The following HDLBP variants were observed in gnomAD, a reference collection of about 807,000 sequenced individuals.
HDLBP encodes the protein vigilin.
A neutral mutation model predicts 137.3 loss-of-function variants in HDLBP; 30 were observed. The ratio of observed to expected loss-of-function variants is 0.22; its 90% CI spans 0.16 to 0.30. The LOEUF is 0.30. HDLBP is among the 10% of genes least tolerant of loss of function. HDLBP has a pLI of 1.00. For synonymous variants in HDLBP, 606 were observed against 596.0 expected (o/e 1.02, Z -0.24); for missense variants, 1,119 against 1,667.3 (o/e 0.67, Z 5.73).
At chr2:241,279,979 G>T (rs1319391901) in intron 1 of HDLBP, 6 of 985,266 alleles carry the variant, frequency 6.1e-6, no homozygotes, top group Admixed American at 6.2e-5. Flanking sequence ...CATGCTGAAG[G>T]GGTTAGGAGG....
At chr2:241,256,038 C>G in intron 7 of HDLBP, 146 bp downstream of exon 7, 1 of 708,846 alleles carries the variant, frequency 1.4e-6, no homozygotes, top group South Asian at 1.8e-5. Context: ...ACCGATCTCA[C>G]CCGGGTCACT....
chr2:241,239,918 C>A lies in HDLBP; in HGVS notation c.2374G>T (p.Ala792Ser), dbSNP rs2071037284. 6.2e-7 allele frequency: 1 copy of A among 1,614,054 alleles called. No individual in the cohort carries two copies. The highest frequency in any genetic ancestry group is 8.5e-7 in the Non-Finnish European group (1 of 1,180,022). The change falls in exon 18 of 28, where the codon GCC becomes TCC. Residue 792 changes from alanine to serine, a missense_variant. By Grantham distance (99) the Ala-to-Ser change is moderately conservative. Transcript: ENST00000310931. This position sits in a 1 kb window ranked among gnomAD's most constrained non-coding sequence, Gnocchi z 4.6. Reference sequence around the variant, plus strand: ...CTCCCTACCAGGTTTTGGATCAAGGCCTCCAGCTCCTTCTGTGCCTCTCGG... The same window carrying A: ...CTCCCTACCAGGTTTTGGATCAAGGACTCCAGCTCCTTCTGTGCCTCTCGG... ...AVREAQKELEALIQNLDNVVE... is the reference protein window; with the variant it reads ...AVREAQKELESLIQNLDNVVE...
chr2:241,266,724 A>G, intron 3 of HDLBP, 70 bp downstream of exon 3: 2 of 1,031,636 alleles, frequency 1.9e-6, no homozygotes, highest in Non-Finnish European at 3.1e-6. Flanking sequence ...AGGGCATGGG[A>G]TTTGGTAAAG....
intron 24 of HDLBP, among the ~76,000 whole-genome samples, chr2:241,232,126 G>A (rs1254959073): frequency 6.6e-6 from 1 of 152,236 alleles, no homozygotes; most frequent in Non-Finnish European, 1.5e-5. Flanking sequence ...AGAGCTGACA[G>A]CCTCAGGCAC....
chr2:241,233,722 T>G lies in HDLBP; in HGVS notation c.3288+98A>C. The G allele has an allele frequency of 7.2e-7, 1 of 1,395,240 alleles. No individual in the cohort carries two copies. Among genetic ancestry groups the G allele is most frequent in the Non-Finnish European group, 1.0e-6 (1 of 1,004,118 alleles). 86.4% of individuals were successfully genotyped at this position (1,395,240 alleles called of 1,614,324 possible). A position where few individuals can be genotyped will look rare whatever the true frequency, so the allele number is the denominator to read the frequency against. The stretch of plus-strand genomic sequence containing the variant: ...AGACTTGCCACTCTCAACTTGGCCC[T>G]CGAACCCCCATCTAGGCACATCTGG... On this transcript the variant is annotated intron_variant, in intron 24 of 27. Coordinates refer to ENST00000310931, the MANE Select transcript of HDLBP (RefSeq NM_005336.6). The surrounding 1 kb of genome is among the most constrained non-coding windows in gnomAD (Gnocchi z 4.3).
intron 21 of HDLBP, 154 bp downstream of exon 21, chr2:241,236,461 A>G: frequency 1.3e-6 from 1 of 744,030 alleles, no homozygotes; most frequent in Non-Finnish European, 2.3e-6. Flanking sequence ...CCAGCCGAGA[A>G]GCACAGCCCG....
intron 1 of HDLBP, among the ~76,000 whole-genome samples, chr2:241,303,669 T>C (rs754455072): frequency 6.6e-6 from 1 of 152,166 alleles, no homozygotes; most frequent in Non-Finnish European, 1.5e-5. Context: ...CATCCAAGAA[T>C]ACAAAAGTGA....
intron 1 of HDLBP, among the ~76,000 whole-genome samples, chr2:241,312,065 G>A (rs937254614): frequency 3.9e-5 from 6 of 152,180 alleles, no homozygotes; most frequent in Non-Finnish European, 8.8e-5. Flanking sequence ...CATGATTAGG[G>A]GAAGGATGTT....
intron 1 of HDLBP, among the ~76,000 whole-genome samples, chr2:241,278,076 A>G (rs2074460219): frequency 6.6e-6 from 1 of 152,220 alleles, no homozygotes; most frequent in Non-Finnish European, 1.5e-5. Context: ...GGGGGCTTGG[A>G]CTCATCACAG....
intron 1 of HDLBP, among the ~76,000 whole-genome samples, chr2:241,306,798 C>T (rs796123672): frequency 6.6e-5 from 10 of 151,368 alleles, no homozygotes; most frequent in African/African-American, 2.2e-4. Flanking sequence ...AGGAGAATTG[C>T]TTGAACCCGG....
At chr2:241,260,429 A>C (rs969663343) in intron 5 of HDLBP, among the ~76,000 whole-genome samples, 15 of 152,220 alleles carry the variant, frequency 9.9e-5, no homozygotes, top group Admixed American at 5.9e-4. Flanking sequence ...GCCTGAGTTC[A>C]TAATGACACT....
intron 20 of HDLBP, among the ~76,000 whole-genome samples, chr2:241,237,642 G>C (rs192983711): frequency 6.6e-6 from 1 of 152,228 alleles, no homozygotes; most frequent in East Asian, 1.9e-4. Context: ...AAATGTGCTA[G>C]AATTATGTAA....
intron 16 of HDLBP, among the ~76,000 whole-genome samples, chr2:241,244,418 G>A (rs2071507394): frequency 6.6e-6 from 1 of 152,196 alleles, no homozygotes; most frequent in African/African-American, 2.4e-5. Context: ...CTTGCTCAGA[G>A]ACGGTGGTAA....
intron 1 of HDLBP, among the ~76,000 whole-genome samples, chr2:241,303,635 C>T (rs1016369168): frequency 3.3e-5 from 5 of 152,124 alleles, no homozygotes; most frequent in African/African-American, 9.7e-5. Flanking sequence ...CAAAGCCATT[C>T]GTCGAGACCA....
Position 241,253,428 on chromosome 2 carries a change from C to A in HDLBP, c.1258G>T (p.Ala420Ser). Residue 420 changes from alanine (A) to serine (S), a missense_variant, in exon 10 of 28, where the codon GCC becomes TCC. Ala to Ser is a moderately conservative substitution (Grantham distance 99). Around this residue, in one of 4 missense-constraint regions of HDLBP, gnomAD observed 425 missense variants for 693.9 expected, o/e 0.61. Coordinates refer to ENST00000310931, the MANE Select transcript of HDLBP (RefSeq NM_005336.6). ...ACCATGCCTTCTATCTGTTCCTGGG[C>A]CACATTGACATCCTCTGTAGGGCCC... ...LEGPTEDVNV[A>S]QEQIEGMVKD... The A allele has an allele frequency of 6.2e-7, 1 of 1,613,164 alleles. No homozygotes were observed. The highest frequency in any genetic ancestry group is 1.6e-4 in the Middle Eastern group (1 of 6,062).
intron 23 of HDLBP, among the ~76,000 whole-genome samples, chr2:241,234,209 C>T (rs1054397878): frequency 3.9e-5 from 6 of 152,330 alleles, no homozygotes; most frequent in African/African-American, 1.4e-4. Context: ...GGCTTGGGAC[C>T]ACTTGCGAGG....
intron 1 of HDLBP, among the ~76,000 whole-genome samples, chr2:241,306,049 C>T (rs974044123): frequency 1.3e-5 from 2 of 151,704 alleles, no homozygotes; most frequent in East Asian, 1.9e-4. Context: ...TGTGAGTCAC[C>T]GCGCCCGGCC....
At chr2:241,254,055 T>C (rs546649332) in intron 9 of HDLBP, among the ~76,000 whole-genome samples, 1 of 152,044 alleles carries the variant, frequency 6.6e-6, no homozygotes, top group African/African-American at 2.4e-5. Flanking sequence ...GAGGCTGAGG[T>C]AGGAGGACTA....
intron 1 of HDLBP, among the ~76,000 whole-genome samples, chr2:241,284,221 C>T (rs868808572): frequency 6.6e-6 from 1 of 152,210 alleles, no homozygotes; most frequent in Non-Finnish European, 1.5e-5. Context: ...TTTAAGGCTA[C>T]AGCTGCCATA....
Sources: gnomAD v4.1 joint callset for allele counts (sites outside exome capture counted in the v4.1 genomes callset) on GRCh38, gnomAD v4.1.1 for gene constraint, gnomAD v4.1.1 regional missense constraint, Gnocchi (gnomAD v3.1) non-coding constraint, MANE v1.5 for transcripts, NCBI Gene and HGNC (gene_info 2026-07-23, HGNC 2026-07-21) for gene names.